EDNRB: variants seen among roughly 807,000 people sequenced by gnomAD.
EDNRB encodes endothelin receptor type B.
Under a neutral mutation model 46.4 loss-of-function variants are expected in EDNRB, and 18 were observed. The observed-to-expected ratio is 0.39, with a 90% CI of 0.27 to 0.57. EDNRB has a LOEUF of 0.57. Ranked by LOEUF, EDNRB falls within the 20% of genes least tolerant of loss-of-function variation. The pLI is 0.61. For missense variants in EDNRB, 434 were observed against 537.5 expected, an observed-to-expected ratio of 0.81 and a Z score of 1.90; for synonymous variants, 213 against 204.9, an observed-to-expected ratio of 1.04 and a Z score of -0.34.
At chr13:77,957,859 T>C (rs999040305) in intron 1 of EDNRB, among the ~76,000 whole-genome samples, 4 of 152,192 alleles carry the variant, frequency 2.6e-5, no homozygotes, top group Non-Finnish European at 5.9e-5. Context: ...GAATATCTAT[T>C]TGCAGACAGT....
chr13:77,944,550 G>A (rs1357618144), intron 1 of EDNRB, among the ~76,000 whole-genome samples: 2 of 151,946 alleles, frequency 1.3e-5, no homozygotes, highest in Non-Finnish European at 2.9e-5. Flanking sequence ...GAGATAAATA[G>A]GTGCACATAA....
Position 77,931,666 on chromosome 13 carries a change from A to G in EDNRB, c.-51-13042T>C, listed in dbSNP as rs903744543. Among the ~76,000 whole-genome samples, 5 of 148,042 alleles carry G rather than the reference A, an allele frequency of 3.4e-5. No individual in the cohort carries two copies. In the East Asian group the frequency reaches 6.1e-4, roughly 18 times the overall value. On this transcript the variant is annotated intron_variant, in intron 1 of 7. Transcript: ENST00000646948. ...AGAGGGAGAGAAGCACTCTTGCTGA[A>G]TTTGAGTTCCTTCTTCCAGCCTTTT... is the stretch of plus-strand genomic sequence containing the variant.
Position 77,897,837 on chromosome 13 carries a change from C to A in EDNRB, c.*363G>T. On this transcript the variant is annotated 3_prime_UTR_variant, in exon 7 of 7. Coordinates refer to ENST00000646607, the MANE Select transcript of EDNRB (RefSeq NM_001122659.3). ...CTTATTCTTCCTTTATATCAGAGTC[C>A]CATTGATTTAAAAATAAATCTCTTT... 9.8e-7 allele frequency: 1 copy of A among 1,021,122 alleles called. No homozygotes were observed. Among genetic ancestry groups the A allele is most frequent in the Non-Finnish European group, 1.2e-6 (1 of 851,382 alleles). The allele number at this position is 1,021,122 out of a possible 1,614,324, so 63.3% of individuals were successfully genotyped here.
intron 1 of EDNRB, among the ~76,000 whole-genome samples, chr13:77,961,761 G>A (rs911976729): frequency 6.6e-5 from 10 of 152,042 alleles, no homozygotes; most frequent in African/African-American, 2.4e-4. Context: ...GCTAGCAGAA[G>A]GCAAGAAATA....
chr13:77,945,272 A>G (rs977789366), intron 1 of EDNRB, among the ~76,000 whole-genome samples: 6 of 152,204 alleles, frequency 3.9e-5, no homozygotes, highest in African/African-American at 9.7e-5. Context: ...GACAATTACT[A>G]AACTAAAACT....
intron 5 of EDNRB, among the ~76,000 whole-genome samples, chr13:77,900,254 A>G (rs1878880166): frequency 6.6e-6 from 1 of 151,916 alleles, no homozygotes; most frequent in African/African-American, 2.4e-5. Context: ...GAAGAAATTT[A>G]GAAAACGCGT....
intron 1 of EDNRB, among the ~76,000 whole-genome samples, chr13:77,940,700 G>GATATGTGTGT (rs906671179): frequency 2.4e-4 from 36 of 149,188 alleles, no homozygotes; most frequent in South Asian, 6.5e-4. Flanking sequence ...AGATGAATTG[G>GATATGTGTGT]GTGTGTGTGT....
At chr13:77,909,814 C>T (rs961487679) in intron 1 of EDNRB, among the ~76,000 whole-genome samples, 1 of 151,920 alleles carries the variant, frequency 6.6e-6, no homozygotes, top group African/African-American at 2.4e-5. Flanking sequence ...TCATACTCTA[C>T]ATATATTCTT....
At chr13:77,960,381 T>C (rs145981513) in intron 1 of EDNRB, among the ~76,000 whole-genome samples, 2 of 152,210 alleles carry the variant, frequency 1.3e-5, no homozygotes, top group African/African-American at 4.8e-5. Flanking sequence ...GGGGCCAATA[T>C]TCAACATTAT....
Position 77,898,191 on chromosome 13 carries a change from G to A in EDNRB, c.*9C>T. 5.6e-6 allele frequency: 9 copies of A among 1,610,724 alleles called. No homozygotes were observed. The highest frequency in any genetic ancestry group is 6.8e-6 in the Non-Finnish European group (8 of 1,178,188). On this transcript the variant is annotated 3_prime_UTR_variant, in exon 7 of 7. Coordinates refer to ENST00000646607, the MANE Select transcript of EDNRB (RefSeq NM_001122659.3). Reference sequence around the variant, plus strand: ...TAAAGAAAATGAAATACAGTGAATAGTTCTTCTTTCAAGATGAGCTGTATT... The same window carrying A: ...TAAAGAAAATGAAATACAGTGAATAATTCTTCTTTCAAGATGAGCTGTATT...
chr13:77,954,491 T>C (rs917952978), intron 1 of EDNRB, among the ~76,000 whole-genome samples: 3 of 131,784 alleles, frequency 2.3e-5, no homozygotes, highest in Admixed American at 7.3e-5. Flanking sequence ...TTTATTTATT[T>C]ATTTATTTAT....
chr13:77,974,208 A>G (rs1412210936), intron 1 of EDNRB, among the ~76,000 whole-genome samples: 2 of 151,990 alleles, frequency 1.3e-5, no homozygotes, highest in African/African-American at 4.8e-5. Flanking sequence ...TTGCTTTAAT[A>G]TTTTTGAGTT....
chr13:77,969,881 G>A (rs745559036), intron 1 of EDNRB, among the ~76,000 whole-genome samples: 25 of 152,126 alleles, frequency 1.6e-4, no homozygotes, highest in African/African-American at 3.4e-4. Flanking sequence ...ATGTTTCTAC[G>A]AGGTCAGCTG....
Position 77,918,169 on chromosome 13 carries a change from A to G in EDNRB, c.405T>C (p.Gly135=). Residue 135 remains glycine (G), a synonymous_variant, in exon 1 of 7, where the codon GGT becomes GGC. Transcript: ENST00000646607. This position sits in a 1 kb window ranked among gnomAD's most constrained non-coding sequence, Gnocchi z 4.5. ...IIYKNKCMRN[G]PNILIASLAL... is the part of the protein sequence containing the mutation. ...CCAAGCTGGCGATCAAGATATTGGGACCGTTTCGCATGCACTTGTTCTTGT... is the reference window on the plus strand; with the variant it reads ...CCAAGCTGGCGATCAAGATATTGGGGCCGTTTCGCATGCACTTGTTCTTGT... 1 of 1,614,156 alleles carries G rather than the reference A, an allele frequency of 6.2e-7. No individual in the cohort carries two copies. The highest frequency in any genetic ancestry group is 8.5e-7 in the Non-Finnish European group (1 of 1,180,032).
intron 1 of EDNRB, among the ~76,000 whole-genome samples, chr13:77,954,938 G>A (rs1209392997): frequency 6.6e-6 from 1 of 152,104 alleles, no homozygotes; most frequent in Non-Finnish European, 1.5e-5. Context: ...TAAAAATGTA[G>A]CTATCTGCCT....
Position 77,942,325 on chromosome 13 carries a change from T to A in EDNRB, c.-51-23701A>T, listed in dbSNP as rs547351499. Among the ~76,000 whole-genome samples, 134 of 152,338 alleles carry A rather than the reference T, an allele frequency of 8.8e-4. 1 individual carries two copies. The highest frequency in any genetic ancestry group is 3.0e-3 in the African/African-American group (123 of 41,596). ...CTTGTTTCTGGTGTTCTGTATTACCTCATTTAATCTTCACAACAACGCTGA... is the reference window on the plus strand; with the variant it reads ...CTTGTTTCTGGTGTTCTGTATTACCACATTTAATCTTCACAACAACGCTGA... On this transcript the variant is annotated intron_variant, in intron 1 of 7. Transcript: ENST00000646948.
intron 1 of EDNRB, among the ~76,000 whole-genome samples, chr13:77,952,825 C>T (rs1186778698): frequency 6.6e-6 from 1 of 152,150 alleles, no homozygotes; most frequent in Non-Finnish European, 1.5e-5. Flanking sequence ...CATCACATTG[C>T]TGATTTTCAT....
intron 1 of EDNRB, among the ~76,000 whole-genome samples, chr13:77,959,704 GA>G (rs1881348740): frequency 1.3e-5 from 2 of 152,192 alleles, no homozygotes; most frequent in African/African-American, 4.8e-5. Context: ...TAACTTTGAC[GA>G]ATTGAGAGAA....
chr13:77,899,350 T>C (rs1040061880), intron 6 of EDNRB, among the ~76,000 whole-genome samples: 1 of 151,926 alleles, frequency 6.6e-6, no homozygotes, highest in Non-Finnish European at 1.5e-5. Context: ...GAAGGAATTA[T>C]ATGTATTTCA....
Sources: gnomAD v4.1 joint callset for allele counts (sites outside exome capture counted in the v4.1 genomes callset) on GRCh38, gnomAD v4.1.1 for gene constraint, Gnocchi (gnomAD v3.1) non-coding constraint, MANE v1.5 for transcripts, NCBI Gene and HGNC (gene_info 2026-07-23, HGNC 2026-07-21) for gene names.